Variants in DMD observed in about 807,000 individuals in gnomAD.
DMD encodes the protein mutant dystrophin.
DMD carries 63 observed loss-of-function variants against 330.1 expected under a neutral mutation model. The ratio of observed to expected loss-of-function variants is 0.19; its 90% CI spans 0.16 to 0.24. The LOEUF (loss-of-function observed/expected upper bound fraction) is 0.24, where lower values mean the gene tolerates loss of function less well. Ranked by LOEUF, DMD falls within the 10% of genes least tolerant of loss-of-function variation. The pLI, the probability that DMD is intolerant of heterozygous loss-of-function variation, is 1.00. For missense variants in DMD, 3,344 were observed against 2,684.1 expected, an observed-to-expected ratio of 1.25 and a Z score of -5.43; for synonymous variants, 1,223 against 959.8, an observed-to-expected ratio of 1.27 and a Z score of -5.07.
chrX:32,973,363 A>G (rs1005961774), intron 2 of DMD, among the ~76,000 whole-genome samples: 2 of 112,389 alleles, frequency 1.8e-5, no homozygotes, highest in African/African-American at 3.2e-5. Flanking sequence ...GGTAGGGTCT[A>G]TGTCCTTTCC....
intron 2 of DMD, among the ~76,000 whole-genome samples, chrX:32,879,014 A>C (rs865800185): frequency 5.3e-5 from 5 of 94,671 alleles, no homozygotes; most frequent in Non-Finnish European, 1.1e-4. Flanking sequence ...TCTCAAAAAA[A>C]AAACAAAAAA....
intron 55 of DMD, among the ~76,000 whole-genome samples, chrX:31,575,532 A>C (rs2076052797): frequency 8.9e-6 from 1 of 112,121 alleles, no homozygotes; most frequent in South Asian, 3.7e-4. Flanking sequence ...TTTGGAAAGA[A>C]GGGCACATCA....
At chrX:32,996,630 C>A (rs778314511) in intron 2 of DMD, among the ~76,000 whole-genome samples, 4 of 110,890 alleles carry the variant, frequency 3.6e-5, no homozygotes, top group Non-Finnish European at 7.6e-5. Flanking sequence ...CGAGACCAGC[C>A]GGGCCAACAT....
intron 44 of DMD, among the ~76,000 whole-genome samples, chrX:32,094,935 G>A (rs376589884): frequency 3.6e-5 from 4 of 111,357 alleles, no homozygotes; most frequent in South Asian, 3.8e-4. Context: ...GGGGGCAATG[G>A]GACTTGAGCA....
At chrX:31,807,156 T>C (rs1168019107) in intron 50 of DMD, among the ~76,000 whole-genome samples, 1 of 111,888 alleles carries the variant, frequency 8.9e-6, no homozygotes, top group Non-Finnish European at 1.9e-5. Context: ...TATTCATTTC[T>C]ACGATTTCAT....
intron 62 of DMD, among the ~76,000 whole-genome samples, chrX:31,291,090 TAAATA>T (rs765243377): frequency 1.0e-3 from 116 of 112,388 alleles, no homozygotes; most frequent in African/African-American, 3.7e-3. Flanking sequence ...AAGTGTAAAT[TAAATA>T]AATGTCAACT....
chrX:32,497,712 G>C (rs1400015218), intron 19 of DMD, among the ~76,000 whole-genome samples: 6 of 111,309 alleles, frequency 5.4e-5, no homozygotes. Context: ...TTTACAAAAA[G>C]GATTACGTCT....
At chrX:31,849,188 TAAAC>T (rs2093478212) in intron 48 of DMD, among the ~76,000 whole-genome samples, 1 of 108,252 alleles carries the variant, frequency 9.2e-6, no homozygotes, top group African/African-American at 3.4e-5. Context: ...AAGGAGGACA[TAAAC>T]AACCTTTCCA....
chrX:31,773,909 T>C lies in DMD; in HGVS notation c.7542+51A>G, dbSNP rs767820666. On this transcript the variant is annotated intron_variant, in intron 51 of 78. Coordinates refer to ENST00000357033, the MANE Select transcript of DMD (RefSeq NM_004006.3). ...GGAGAGTAAAGTGATTGGTGGAAAA[T>C]CTTCATTTTAAAGAAAAACTTCTGC... The C allele has an allele frequency of 9.1e-6, 10 of 1,099,673 alleles. No individual in the cohort carries two copies. In the African/African-American group the frequency reaches 1.8e-4, roughly 20 times the overall value. 90.6% of individuals were successfully genotyped at this position (1,099,673 alleles called of 1,213,427 possible). A position where few individuals can be genotyped will look rare whatever the true frequency, so the allele number is the denominator to read the frequency against.
At chrX:32,324,564 T>C (rs1454188629) in intron 41 of DMD, among the ~76,000 whole-genome samples, 4 of 111,729 alleles carry the variant, frequency 3.6e-5, no homozygotes, top group Admixed American at 1.9e-4. Context: ...AGAACCATTG[T>C]AATGACAAAA....
chrX:33,285,192 T>C (rs1015557118), intron 1 of DMD, among the ~76,000 whole-genome samples: 4 of 111,901 alleles, frequency 3.6e-5, no homozygotes, highest in Admixed American at 9.5e-5. Flanking sequence ...ACAAAGTACA[T>C]TTTTAAAAAA....
At chrX:31,969,791 C>T (rs780633723) in intron 44 of DMD, among the ~76,000 whole-genome samples, 4 of 111,844 alleles carry the variant, frequency 3.6e-5, no homozygotes, top group Non-Finnish European at 7.5e-5. Context: ...ACCGGTGACA[C>T]GGTGCCTCAC....
At chrX:31,179,010 G>A (rs764245085) in intron 69 of DMD, among the ~76,000 whole-genome samples, 1 of 111,725 alleles carries the variant, frequency 9.0e-6, no homozygotes, top group East Asian at 2.8e-4. Flanking sequence ...CTTCTCAGAG[G>A]CTCTGATCAT....
intron 60 of DMD, among the ~76,000 whole-genome samples, chrX:31,351,452 A>G (rs1391465007): frequency 1.8e-5 from 2 of 110,829 alleles, no homozygotes; most frequent in East Asian, 5.6e-4. Context: ...TAGGCCAGGC[A>G]TGGTGACTCA....
At chrX:32,038,086 T>C (rs1213936368) in intron 44 of DMD, among the ~76,000 whole-genome samples, 1 of 111,702 alleles carries the variant, frequency 9.0e-6, no homozygotes, top group Non-Finnish European at 1.9e-5. Flanking sequence ...TGTGCCAAGG[T>C]CTGGCCTTAA....
intron 52 of DMD, among the ~76,000 whole-genome samples, chrX:31,720,509 G>T (rs986821060): frequency 1.9e-4 from 21 of 111,647 alleles, no homozygotes; most frequent in African/African-American, 6.5e-4. Context: ...TAAACATGTA[G>T]AGTATCTCTT....
chrX:31,736,058 C>T (rs964063096), intron 51 of DMD, among the ~76,000 whole-genome samples: 2 of 111,450 alleles, frequency 1.8e-5, no homozygotes, highest in African/African-American at 6.5e-5. Flanking sequence ...CTACAGATTA[C>T]GTACCTGATT....
At chrX:32,820,299 G>A (rs1426408581) in intron 5 of DMD, among the ~76,000 whole-genome samples, 3 of 110,833 alleles carry the variant, frequency 2.7e-5, no homozygotes, top group East Asian at 5.7e-4. Flanking sequence ...AAAATTAGCC[G>A]GGCGTGGTGG....
At chrX:31,208,851 G>GAA (rs1371907675) in intron 65 of DMD, among the ~76,000 whole-genome samples, 1 of 101,224 alleles carries the variant, frequency 9.9e-6, no homozygotes, top group African/African-American at 3.6e-5. Flanking sequence ...TTAAGCTCAA[G>GAA]AAAAAAAAAA....
Sources: allele counts gnomAD v4.1 joint callset (sites outside exome capture counted in the v4.1 genomes callset), GRCh38; gene constraint gnomAD v4.1.1; transcripts MANE v1.5; gene names NCBI Gene and HGNC (gene_info 2026-07-23, HGNC 2026-07-21).